PTPN1: variants seen among roughly 807,000 people sequenced by gnomAD.
PTPN1 encodes the protein protein tyrosine phosphatase non-receptor type 1.
PTPN1 carries 12 observed loss-of-function variants against 59.9 expected under a neutral mutation model. The ratio of observed to expected loss-of-function variants is 0.20; its 90% CI spans 0.13 to 0.32. The LOEUF (loss-of-function observed/expected upper bound fraction) is 0.32. Ranked by LOEUF, PTPN1 falls within the 10% of genes least tolerant of loss-of-function variation. The pLI is 1.00. For synonymous variants in PTPN1, 178 were observed against 203.6 expected (o/e 0.87, Z 1.07); for missense variants, 356 against 549.2 (o/e 0.65, Z 3.52).
intron 1 of PTPN1, among the ~76,000 whole-genome samples, chr20:50,554,320 A>G (rs534804344): frequency 2.6e-4 from 40 of 151,396 alleles, no homozygotes; most frequent in African/African-American, 9.5e-4. Flanking sequence ...CCAGTAGTTC[A>G]AGGCTGGAGT....
At chr20:50,540,073 G>A (rs930866527) in intron 1 of PTPN1, among the ~76,000 whole-genome samples, 2 of 150,518 alleles carry the variant, frequency 1.3e-5, no homozygotes, top group African/African-American at 2.4e-5. Context: ...TTTTTTTTTC[G>A]AGACAGAGTT....
At chr20:50,550,433 G>T (rs143133207) in intron 1 of PTPN1, among the ~76,000 whole-genome samples, 351 of 152,280 alleles carry the variant, frequency 2.3e-3, no homozygotes, top group African/African-American at 8.2e-3. Flanking sequence ...TACTCTTTCT[G>T]CTTTGAATCC....
At chr20:50,541,787 T>C (rs112213217) in intron 1 of PTPN1, among the ~76,000 whole-genome samples, 3,031 of 152,180 alleles carry the variant, frequency 0.02, 63 homozygotes, top group Admixed American at 0.054. Context: ...GGGAAGCAGC[T>C]TGGACATAGC....
intron 4 of PTPN1, among the ~76,000 whole-genome samples, chr20:50,569,217 A>G (rs2082794386): frequency 6.6e-6 from 1 of 152,192 alleles, no homozygotes; most frequent in South Asian, 2.1e-4. Context: ...CCTTTGCCTC[A>G]CAGGATAATA....
intron 1 of PTPN1, among the ~76,000 whole-genome samples, chr20:50,547,245 G>A (rs751085261): frequency 1.4e-4 from 21 of 152,040 alleles, no homozygotes; most frequent in Non-Finnish European, 2.9e-4. Flanking sequence ...TTATACCTTT[G>A]GTAACGATTC....
chr20:50,569,194 C>T (rs1451778219), intron 4 of PTPN1, among the ~76,000 whole-genome samples: 1 of 152,176 alleles, frequency 6.6e-6, no homozygotes, highest in Non-Finnish European at 1.5e-5. Flanking sequence ...AGCTGAAAAC[C>T]CTTGTGCGGT....
chr20:50,548,038 T>A (rs907695147), intron 1 of PTPN1, among the ~76,000 whole-genome samples: 1 of 152,214 alleles, frequency 6.6e-6, no homozygotes, highest in African/African-American at 2.4e-5. Context: ...GATTTTTTTT[T>A]ATTCTCAACA....
intron 1 of PTPN1, among the ~76,000 whole-genome samples, chr20:50,513,746 T>G (rs1444675983): frequency 1.3e-5 from 2 of 152,242 alleles, no homozygotes; most frequent in African/African-American, 2.4e-5. Flanking sequence ...TAAAATTCCT[T>G]ACTGATATAC....
In PTPN1 at chr20:50,548,024, T is replaced by C. The variant is rs144613498; in HGVS notation, c.64-13339T>C. Among the ~76,000 whole-genome samples, 84 of 152,340 alleles carry C rather than the reference T, an allele frequency of 5.5e-4. 1 individual carries two copies. In the East Asian group the frequency reaches 8.5e-3, roughly 15 times the overall value. On this transcript the variant is annotated intron_variant, in intron 1 of 9. Coordinates refer to ENST00000371621, the MANE Select transcript of PTPN1 (RefSeq NM_002827.4). ...TTCCAAACAATATTGTAATTTACTT[T>C]GAAGATTTTTTTTTATTCTCAACAT...
chr20:50,517,986 G>T (rs1168318658), intron 1 of PTPN1, among the ~76,000 whole-genome samples: 1 of 152,210 alleles, frequency 6.6e-6, no homozygotes, highest in Admixed American at 6.5e-5. Context: ...CACTTGCAAA[G>T]ATAAGATGAG....
chr20:50,510,430 G>A lies in PTPN1; in HGVS notation c.-98G>A, dbSNP rs2082500637. The A allele has an allele frequency of 7.4e-7, 1 of 1,346,388 alleles. No individual in the cohort carries two copies. Among genetic ancestry groups the A allele is most frequent in the Admixed American group, 2.4e-5 (1 of 41,560 alleles). The allele number at this position is 1,346,388 out of a possible 1,614,324, so 83.4% of individuals were successfully genotyped here. A position where few individuals can be genotyped will look rare whatever the true frequency, so the allele number is the denominator to read the frequency against. On this transcript the variant is annotated 5_prime_UTR_variant, in exon 1 of 10. Transcript: ENST00000371621. ...GGCGGCGGTAGCTGCAGGGGTCGGG[G>A]ATTGCAGCGGGCCTCGGGGCTAAGA... is the stretch of plus-strand genomic sequence containing the variant.
At chr20:50,535,404 C>T (rs538906528) in intron 1 of PTPN1, among the ~76,000 whole-genome samples, 2 of 152,280 alleles carry the variant, frequency 1.3e-5, no homozygotes, top group African/African-American at 2.4e-5. Flanking sequence ...CCTGCCTCAG[C>T]GGAGCACGTG....
chr20:50,525,604 T>G (rs111348875), intron 1 of PTPN1, among the ~76,000 whole-genome samples: 357 of 125,458 alleles, frequency 2.8e-3, no homozygotes, highest in Middle Eastern at 0.011. Context: ...GAAGTAGTCC[T>G]GGATTTGATT....
chr20:50,582,726 C>G lies in PTPN1; in HGVS notation c.*11C>G, dbSNP rs765871592. On this transcript the variant is annotated 3_prime_UTR_variant, in exon 10 of 10. Coordinates refer to ENST00000371621, the MANE Select transcript of PTPN1 (RefSeq NM_002827.4). This position sits in a 1 kb window ranked among gnomAD's most constrained non-coding sequence, Gnocchi z 4.2. ...AACAGCAACACATAGCCTGACCCTC[C>G]TCCACTCCACCTCCACCCACTGTCC... 9.9e-6 allele frequency: 16 copies of G among 1,613,694 alleles called. No homozygotes were observed. Among genetic ancestry groups the G allele is most frequent in the Non-Finnish European group, 1.4e-5 (16 of 1,179,876 alleles).
chr20:50,568,702 C>T lies in PTPN1; in HGVS notation c.354+224C>T, dbSNP rs562313690. 5.3e-5 allele frequency among the ~76,000 whole-genome samples: 8 copies of T among 152,348 alleles called. No individual in the cohort carries two copies. Among genetic ancestry groups the T allele is most frequent in the East Asian group, 1.9e-4 (1 of 5,190 alleles). On this transcript the variant is annotated intron_variant, in intron 4 of 9. Transcript: ENST00000371621. The surrounding 1 kb of genome is among the most constrained non-coding windows in gnomAD (Gnocchi z 5.6). ...GGCGGAAGAACTGCACGGACCTCTTCGCCCCCGCCTTCTCCTGTGTGGTGC... is the reference window on the plus strand; with the variant it reads ...GGCGGAAGAACTGCACGGACCTCTTTGCCCCCGCCTTCTCCTGTGTGGTGC...
intron 4 of PTPN1, among the ~76,000 whole-genome samples, chr20:50,569,933 T>C (rs981026691): frequency 1.3e-5 from 2 of 152,194 alleles, no homozygotes; most frequent in African/African-American, 4.8e-5. Context: ...CAGGAGGAGA[T>C]GGGCTGAGGA....
chr20:50,578,694 T>C (rs1325507095), intron 6 of PTPN1, 65 bp downstream of exon 6: 1 of 1,402,542 alleles, frequency 7.1e-7, no homozygotes, highest in Non-Finnish European at 9.8e-7. Context: ...TGTTTTTTCC[T>C]AAGTAGAAAC....
Position 50,581,122 on chromosome 20 carries a change from G to A in PTPN1, c.1089-143G>A, listed in dbSNP as rs2082866143. On this transcript the variant is annotated intron_variant, in intron 8 of 9. Coordinates refer to ENST00000371621, the MANE Select transcript of PTPN1 (RefSeq NM_002827.4). ...CCTGGCCCTCCCTCCAAGCAGAGGG[G>A]GCTGGCTCGCTGGAAGGTTAACATC... 6.6e-6 allele frequency: 9 copies of A among 1,373,074 alleles called. No homozygotes were observed. In the South Asian group the frequency reaches 1.5e-4, roughly 23 times the overall value. The allele number at this position is 1,373,074 out of a possible 1,614,324, so 85.1% of individuals were successfully genotyped here.
chr20:50,574,787 A>G, intron 5 of PTPN1, 133 bp downstream of exon 5: 2 of 1,209,704 alleles, frequency 1.7e-6, no homozygotes, highest in Non-Finnish European at 2.3e-6. Flanking sequence ...TGGTTTGGGC[A>G]CTGTGGTGAG....
Sources: allele counts gnomAD v4.1 joint callset (sites outside exome capture counted in the v4.1 genomes callset), GRCh38; gene constraint gnomAD v4.1.1; non-coding constraint Gnocchi (gnomAD v3.1); transcripts MANE v1.5; gene names NCBI Gene and HGNC (gene_info 2026-07-23, HGNC 2026-07-21).